UBE2E2: variants seen among roughly 807,000 people sequenced by gnomAD.
The protein encoded by UBE2E2 is ubiquitin conjugating enzyme E2 E2.
A neutral mutation model predicts 24.7 loss-of-function variants in UBE2E2; 6 were observed. The observed-to-expected ratio is 0.24, with a 90% CI of 0.13 to 0.48. The LOEUF (loss-of-function observed/expected upper bound fraction) is 0.48. UBE2E2 is among the 20% of genes least tolerant of loss of function. The pLI, the probability that UBE2E2 is intolerant of heterozygous loss-of-function variation, is 0.99. For missense variants in UBE2E2, 169 were observed against 245.0 expected (o/e 0.69, Z 2.07); for synonymous variants, 104 against 83.6 (o/e 1.24, Z -1.33).
intron 5 of UBE2E2, among the ~76,000 whole-genome samples, chr3:23,564,432 A>T (rs1232689101): frequency 6.6e-6 from 1 of 152,166 alleles, no homozygotes; most frequent in Non-Finnish European, 1.5e-5. Context: ...ATGGCTGTAT[A>T]ATGTAGTGCT....
At chr3:23,271,264 T>C (rs1698233659) in intron 3 of UBE2E2, 1 of 330,584 alleles carries the variant, frequency 3.0e-6, no homozygotes, top group African/African-American at 2.2e-5. Context: ...GTCTAGAGTT[T>C]GTTCCTTCAG....
intron 3 of UBE2E2, among the ~76,000 whole-genome samples, chr3:23,475,864 C>A (rs1343313788): frequency 6.6e-6 from 1 of 152,066 alleles, no homozygotes; most frequent in Non-Finnish European, 1.5e-5. Flanking sequence ...GCTGTACCAT[C>A]AAGATTGCTT....
At chr3:23,224,340 A>C (rs185398376) in intron 3 of UBE2E2, among the ~76,000 whole-genome samples, 61 of 151,612 alleles carry the variant, frequency 4.0e-4, no homozygotes, top group African/African-American at 1.4e-3. Context: ...TTATTTCATC[A>C]GTTTTATAGT....
At chr3:23,429,400 A>T (rs1352645487) in intron 3 of UBE2E2, among the ~76,000 whole-genome samples, 1 of 152,218 alleles carries the variant, frequency 6.6e-6, no homozygotes, top group Non-Finnish European at 1.5e-5. Flanking sequence ...ATACTAGCAA[A>T]TGGATTCCAA....
At chr3:23,351,229 G>C (rs1695739220) in intron 3 of UBE2E2, among the ~76,000 whole-genome samples, 1 of 152,130 alleles carries the variant, frequency 6.6e-6, no homozygotes, top group African/African-American at 2.4e-5. Context: ...AAGAGCTCCT[G>C]AAGGAAGCAC....
At chr3:23,558,281 A>G (rs1486728593) in intron 5 of UBE2E2, among the ~76,000 whole-genome samples, 2 of 152,202 alleles carry the variant, frequency 1.3e-5, no homozygotes, top group Non-Finnish European at 2.9e-5. Context: ...TGTTTCTTCT[A>G]TAAGTATAGG....
intron 5 of UBE2E2, among the ~76,000 whole-genome samples, chr3:23,553,724 T>A (rs1368464137): frequency 4.6e-5 from 7 of 152,100 alleles, no homozygotes; most frequent in Admixed American, 4.6e-4. Flanking sequence ...AAAATCTAGA[T>A]AGAAAAGTCC....
chr3:23,239,491 T>G (rs1417323601), intron 3 of UBE2E2, among the ~76,000 whole-genome samples: 6 of 152,094 alleles, frequency 3.9e-5, no homozygotes, highest in Admixed American at 3.9e-4. Flanking sequence ...CTCTATGGAT[T>G]TGTCTATTCT....
intron 5 of UBE2E2, among the ~76,000 whole-genome samples, chr3:23,561,228 C>A (rs2125504729): frequency 6.6e-6 from 1 of 152,156 alleles, no homozygotes; most frequent in South Asian, 2.1e-4. Context: ...GTCTTTAATC[C>A]ATCTTGAATT....
intron 3 of UBE2E2, among the ~76,000 whole-genome samples, chr3:23,440,362 C>T (rs1349945474): frequency 6.6e-6 from 1 of 152,212 alleles, no homozygotes; most frequent in Non-Finnish European, 1.5e-5. Flanking sequence ...TGCATCTCGT[C>T]CTCCCAAAGT....
intron 3 of UBE2E2, among the ~76,000 whole-genome samples, chr3:23,293,015 G>C (rs762994717): frequency 6.6e-6 from 1 of 152,218 alleles, no homozygotes; most frequent in Non-Finnish European, 1.5e-5. Context: ...GGAGATTGCA[G>C]TGAGCCAAGA....
At chr3:23,518,554 T>C (rs1245234664) in intron 4 of UBE2E2, among the ~76,000 whole-genome samples, 1 of 152,228 alleles carries the variant, frequency 6.6e-6, no homozygotes, top group Non-Finnish European at 1.5e-5. Context: ...GATCCATCCT[T>C]ATAAGGATGC....
At chr3:23,567,395 A>T (rs968528535) in intron 5 of UBE2E2, among the ~76,000 whole-genome samples, 2 of 152,248 alleles carry the variant, frequency 1.3e-5, no homozygotes, top group Non-Finnish European at 1.5e-5. Context: ...TTCAGGCAAG[A>T]TGTCAGTAAA....
chr3:23,212,600 G>A (rs1696359886), intron 2 of UBE2E2, among the ~76,000 whole-genome samples: 1 of 89,862 alleles, frequency 1.1e-5, no homozygotes, highest in East Asian at 3.0e-4. Context: ...TCGAGGTATG[G>A]TTTTTGGTTT....
intron 3 of UBE2E2, among the ~76,000 whole-genome samples, chr3:23,266,262 C>T (rs897294961): frequency 6.6e-6 from 1 of 152,174 alleles, no homozygotes; most frequent in Non-Finnish European, 1.5e-5. Context: ...TACAATTTGG[C>T]ATGATTTTGC....
At chr3:23,287,031 G>GT (rs1698631302) in intron 3 of UBE2E2, among the ~76,000 whole-genome samples, 1 of 152,088 alleles carries the variant, frequency 6.6e-6, no homozygotes, top group African/African-American at 2.4e-5. Flanking sequence ...AAGTCTTTCA[G>GT]TTTTTCCCCA....
intron 3 of UBE2E2, among the ~76,000 whole-genome samples, chr3:23,373,891 G>C (rs1171415268): frequency 6.6e-6 from 1 of 152,128 alleles, no homozygotes; most frequent in Non-Finnish European, 1.5e-5. Flanking sequence ...GTAAACATAT[G>C]TCATTAAGTA....
chr3:23,256,519 T>G (rs945310639), intron 3 of UBE2E2, among the ~76,000 whole-genome samples: 1 of 152,216 alleles, frequency 6.6e-6, no homozygotes, highest in African/African-American at 2.4e-5. Flanking sequence ...AGTATGATTT[T>G]TAATTAAGAA....
intron 5 of UBE2E2, among the ~76,000 whole-genome samples, chr3:23,562,994 A>G (rs1002261136): frequency 3.3e-5 from 5 of 151,952 alleles, no homozygotes; most frequent in Admixed American, 1.3e-4. Context: ...CAGTCTATCA[A>G]TTTTGTTGAT....
Sources: gnomAD v4.1 joint callset for allele counts (sites outside exome capture counted in the v4.1 genomes callset) on GRCh38, gnomAD v4.1.1 for gene constraint, MANE v1.5 for transcripts, NCBI Gene and HGNC (gene_info 2026-07-23, HGNC 2026-07-21) for gene names.